GLIS3: variants seen among roughly 807,000 people sequenced by gnomAD.
GLIS3 encodes GLIS family zinc finger 3.
Under a neutral mutation model 78.6 loss-of-function variants are expected in GLIS3, and 53 were observed. The observed-to-expected ratio is 0.67, with a 90% CI of 0.54 to 0.85. The LOEUF (loss-of-function observed/expected upper bound fraction) is 0.85. Among genes scored for constraint, GLIS3 ranks in the 40% least tolerant of loss-of-function variants. The pLI is 0.00. For synonymous variants in GLIS3, 684 were observed against 509.9 expected (o/e 1.34, Z -4.60); for missense variants, 1,703 against 1,231.1 (o/e 1.38, Z -5.74).
intron 4 of GLIS3, among the ~76,000 whole-genome samples, chr9:3,967,830 T>C (rs1053786801): frequency 6.6e-6 from 1 of 152,182 alleles, no homozygotes; most frequent in African/African-American, 2.4e-5. Context: ...CCGTAAAGAA[T>C]GTGCAGAAGG....
In GLIS3 at chr9:4,295,821, G is replaced by A. The variant is rs143622804; in HGVS notation, c.-99+3600C>T. Among the ~76,000 whole-genome samples the A allele has an allele frequency of 2.1e-3, 319 of 152,202 alleles. 1 individual carries two copies. Among genetic ancestry groups the A allele is most frequent in the African/African-American group, 7.2e-3 (301 of 41,532 alleles). ...GTGTCAACTCTGCCTAAAGTAAGTGGGAAACTACAAAAACTGGGGACTTGG... is the reference window on the plus strand; with the variant it reads ...GTGTCAACTCTGCCTAAAGTAAGTGAGAAACTACAAAAACTGGGGACTTGG... On this transcript the variant is annotated intron_variant, in intron 1 of 10. Transcript: ENST00000381971.
chr9:4,294,800 T>C (rs1372004288), intron 1 of GLIS3, among the ~76,000 whole-genome samples: 4 of 152,228 alleles, frequency 2.6e-5, no homozygotes, highest in African/African-American at 7.2e-5. Context: ...AGTACATTTA[T>C]CATATAGTTA....
Position 3,896,315 on chromosome 9 carries a change from T to G in GLIS3, c.2128+2376A>C, listed in dbSNP as rs73384284. ...CTGCAAAACAAAAGGCGTAACATTT[T>G]TTTAAAAGGAAGAAAGTTAGAAAGC... On this transcript the variant is annotated intron_variant, in intron 7 of 10. Transcript: ENST00000381971. Among the ~76,000 whole-genome samples, 535 of 152,306 alleles carry G rather than the reference T, an allele frequency of 3.5e-3. 5 individuals carry two copies. Among genetic ancestry groups the G allele is most frequent in the African/African-American group, 0.012 (483 of 41,558 alleles).
the GLIS3 span, among the ~76,000 whole-genome samples, chr9:4,456,552 T>C: frequency 6.6e-6 from 1 of 152,244 alleles, no homozygotes; most frequent in Non-Finnish European, 1.5e-5. Context: ...TTCTAATTTC[T>C]TCCAATAACT....
At chr9:4,324,543 G>A (rs1267175832) in intron 2 of GLIS3, among the ~76,000 whole-genome samples, 1 of 152,112 alleles carries the variant, frequency 6.6e-6, no homozygotes, top group Non-Finnish European at 1.5e-5. Flanking sequence ...ATTATGATTC[G>A]TATTCTTCCT....
chr9:4,151,724 G>A (rs1344134161), intron 2 of GLIS3, among the ~76,000 whole-genome samples: 1 of 152,076 alleles, frequency 6.6e-6, no homozygotes, highest in Non-Finnish European at 1.5e-5. Context: ...CAATGAAAGC[G>A]CTCTTCATTA....
chr9:4,440,938 A>AT, the GLIS3 span, among the ~76,000 whole-genome samples: 24 of 148,874 alleles, frequency 1.6e-4, no homozygotes, highest in South Asian at 1.5e-3. Flanking sequence ...TGTTTTCTTA[A>AT]TTTTTTTTTC....
intron 6 of GLIS3, among the ~76,000 whole-genome samples, chr9:3,919,928 C>T (rs1824761924): frequency 2.6e-5 from 4 of 151,702 alleles, no homozygotes; most frequent in African/African-American, 7.2e-5. Context: ...TTGGCCCTCC[C>T]ATTTCTTTTA....
intron 9 of GLIS3, among the ~76,000 whole-genome samples, chr9:3,840,025 C>T (rs546011417): frequency 6.6e-6 from 1 of 152,214 alleles, no homozygotes; most frequent in East Asian, 1.9e-4. Flanking sequence ...TCCCAGATGA[C>T]CCATTAACGA....
At chr9:4,369,977 A>G in the GLIS3 span, among the ~76,000 whole-genome samples, 2 of 152,158 alleles carry the variant, frequency 1.3e-5, no homozygotes, top group African/African-American at 4.8e-5. Context: ...AGATCACTTG[A>G]ATTCAGGAGT....
At chr9:4,330,224 C>T (rs1165024267) in intron 2 of GLIS3, among the ~76,000 whole-genome samples, 2 of 152,218 alleles carry the variant, frequency 1.3e-5, no homozygotes, top group African/African-American at 2.4e-5. Context: ...AGAAGCAGGG[C>T]TCCCAAGACA....
At chr9:4,066,494 G>A (rs1272191573) in intron 4 of GLIS3, among the ~76,000 whole-genome samples, 1 of 152,160 alleles carries the variant, frequency 6.6e-6, no homozygotes, top group Non-Finnish European at 1.5e-5. Context: ...CACTGCTGCT[G>A]CAACCCCACT....
chr9:3,965,190 TTTC>T (rs1254718273), intron 4 of GLIS3, among the ~76,000 whole-genome samples: 3 of 129,584 alleles, frequency 2.3e-5, no homozygotes, highest in South Asian at 2.3e-4. Flanking sequence ...TTTCTTTTCT[TTTC>T]TTTTTTTTTT....
the GLIS3 span, among the ~76,000 whole-genome samples, chr9:4,461,993 G>C: frequency 9.9e-5 from 15 of 152,098 alleles, no homozygotes; most frequent in African/African-American, 3.6e-4. Flanking sequence ...AAAACTATAA[G>C]ATCTACAAAT....
rs182392941 is a variant in GLIS3, at chr9:4,239,278, T to A, written c.388+46760A>T. Reference sequence around the variant, plus strand: ...CACATGTATACATATGTAACAAACCTGCACGTTGTGCACATGTACCCTAAA... The same window carrying A: ...CACATGTATACATATGTAACAAACCAGCACGTTGTGCACATGTACCCTAAA... On this transcript the variant is annotated intron_variant, in intron 2 of 10. Coordinates refer to ENST00000381971, the MANE Select transcript of GLIS3 (RefSeq NM_001042413.2). 2.0e-5 allele frequency among the ~76,000 whole-genome samples: 3 copies of A among 151,018 alleles called. No individual in the cohort carries two copies. In the East Asian group the frequency reaches 5.9e-4, roughly 30 times the overall value.
the GLIS3 span, among the ~76,000 whole-genome samples, chr9:4,480,179 A>C: frequency 1.3e-5 from 2 of 149,632 alleles, no homozygotes; most frequent in Non-Finnish European, 3.0e-5. Flanking sequence ...TCTGTGAGAC[A>C]AGTTTTCCAG....
intron 2 of GLIS3, among the ~76,000 whole-genome samples, chr9:4,215,335 G>C (rs1262929751): frequency 2.0e-5 from 3 of 150,048 alleles, no homozygotes; most frequent in Non-Finnish European, 3.0e-5. Context: ...ATATGTGTGT[G>C]TGTGTGTGTG....
intron 4 of GLIS3, among the ~76,000 whole-genome samples, chr9:3,940,920 A>G (rs1012748964): frequency 2.0e-5 from 3 of 152,202 alleles, no homozygotes; most frequent in African/African-American, 7.2e-5. Context: ...CAGGTTACAT[A>G]CTGACGCACC....
intron 2 of GLIS3, among the ~76,000 whole-genome samples, chr9:4,197,552 G>A (rs1416594257): frequency 6.6e-6 from 1 of 152,138 alleles, no homozygotes; most frequent in African/African-American, 2.4e-5. Context: ...GGCATTTGGT[G>A]TCCGCCCACT....
Sources: gnomAD v4.1 joint callset for allele counts (sites outside exome capture counted in the v4.1 genomes callset) on GRCh38, gnomAD v4.1.1 for gene constraint, MANE v1.5 for transcripts, NCBI Gene and HGNC (gene_info 2026-07-23, HGNC 2026-07-21) for gene names.